CC2D2B: variants seen among roughly 807,000 people sequenced by gnomAD.
The protein encoded by CC2D2B is coiled-coil and C2 domain containing 2B.
In CC2D2B, 128 loss-of-function variants were observed where a neutral mutation model predicts 161.2. The observed-to-expected ratio is 0.79, with a 90% CI of 0.69 to 0.92. The LOEUF is 0.92. Ranked by LOEUF, CC2D2B falls within the 40% of genes least tolerant of loss-of-function variation. The pLI is 0.00. For missense variants in CC2D2B, 1,173 were observed against 1,375.1 expected, an observed-to-expected ratio of 0.85 and a Z score of 2.32; for synonymous variants, 391 against 449.8, an observed-to-expected ratio of 0.87 and a Z score of 1.65.
intron 2 of CC2D2B, among the ~76,000 whole-genome samples, 166 bp downstream of exon 2, chr10:95,911,525 T>A (rs1199071482): frequency 6.6e-6 from 1 of 152,164 alleles, no homozygotes; most frequent in Non-Finnish European, 1.5e-5. Flanking sequence ...TGTATTCTTA[T>A]TTGGTCTGTA....
intron 3 of CC2D2B, 75 bp downstream of exon 3, chr10:95,922,151 C>T: frequency 2.5e-6 from 2 of 792,052 alleles, no homozygotes; most frequent in Non-Finnish European, 2.0e-6. Flanking sequence ...AATCCTGTGC[C>T]AGGGTTTCAG....
chr10:96,001,280 T>C (rs768471541), intron 24 of CC2D2B, among the ~76,000 whole-genome samples: 40 of 152,210 alleles, frequency 2.6e-4, no homozygotes, highest in Non-Finnish European at 5.1e-4. Context: ...ATGTTTCTTT[T>C]TATTTTGAAA....
Position 95,992,587 on chromosome 10 carries a change from G to A in CC2D2B, c.2532G>A (p.Arg844=). 2 of 1,234,240 alleles carry A rather than the reference G, an allele frequency of 1.6e-6. No homozygotes were observed. The highest frequency in any genetic ancestry group is 2.0e-6 in the Non-Finnish European group (2 of 988,096). 76.5% of individuals were successfully genotyped at this position (1,234,240 alleles called of 1,614,324 possible). A position where few individuals can be genotyped will look rare whatever the true frequency, so the allele number is the denominator to read the frequency against. The change falls in exon 22 of 35, where the codon AGG becomes AGA. Residue 844 remains arginine (R), a synonymous_variant. Coordinates refer to ENST00000646931, the MANE Select transcript of CC2D2B (RefSeq NM_001349008.3). The part of the protein sequence containing the change: ...VEPRRKLKPQ[R]KERKKVTAQA... ...CACGGAGAAAGTTAAAACCTCAGAG[G>A]AAAGAAAGGAAAAAAGTCACAGCGC... is the stretch of plus-strand genomic sequence containing the variant.
chr10:95,944,492 T>C (rs2076128860), intron 9 of CC2D2B, among the ~76,000 whole-genome samples: 1 of 152,198 alleles, frequency 6.6e-6, no homozygotes, highest in Non-Finnish European at 1.5e-5. Flanking sequence ...GACTTTATAG[T>C]GACAATGCAT....
intron 34 of CC2D2B, among the ~76,000 whole-genome samples, chr10:96,028,859 GA>G (rs1232183933): frequency 2.0e-5 from 3 of 152,110 alleles, no homozygotes; most frequent in Non-Finnish European, 2.9e-5. Context: ...TATGTTAAGT[GA>G]AATTAGATAG....
intron 16 of CC2D2B, 78 bp from the exon 17 acceptor site, chr10:95,973,931 A>G (rs2141522348): frequency 1.3e-6 from 1 of 769,744 alleles, no homozygotes; most frequent in East Asian, 3.4e-5. Flanking sequence ...TCCACAAGTA[A>G]AACTCAGGAA....
chr10:96,027,317 G>A lies in CC2D2B; in HGVS notation c.4053G>A (p.Leu1351=), dbSNP rs1276789502. ...TFILRQILPK[L]EFGIGSFVSS... is the part of the protein sequence containing the mutation. ...TTTTGCGACAAATCCTTCCTAAGCT[G>A]GAATTTGGCATAGGAAGCTTTGTTT... The change falls in exon 34 of 35, where the codon CTG becomes CTA. Residue 1351 remains leucine (L), a synonymous_variant. Transcript: ENST00000646931. 4 of 1,550,918 alleles carry A rather than the reference G, an allele frequency of 2.6e-6. No individual in the cohort carries two copies. Among genetic ancestry groups the A allele is most frequent in the Non-Finnish European group, 3.5e-6 (4 of 1,146,674 alleles).
At chr10:96,008,182 T>TC (rs2078838475) in intron 25 of CC2D2B, among the ~76,000 whole-genome samples, 1 of 151,234 alleles carries the variant, frequency 6.6e-6, no homozygotes, top group African/African-American at 2.4e-5. Flanking sequence ...TTTTTTTTTT[T>TC]TTGGTTTTGC....
rs1377529997 is a variant in CC2D2B at position 95,995,297 on chromosome 10, T to C, written c.2671T>C (p.Ser891Pro). Residue 891 changes from serine (S) to proline (P), a missense_variant, in exon 23 of 35, where the codon TCA becomes CCA. Ser to Pro is a moderately conservative substitution (Grantham distance 74, BLOSUM62 -1). Coordinates refer to ENST00000646931, the MANE Select transcript of CC2D2B (RefSeq NM_001349008.3). ...GSLDMPTCLKSSISCLRHRET... is the reference protein window; with the variant it reads ...GSLDMPTCLKPSISCLRHRET... ...CTTGGATATGCCTACTTGTTTGAAA[T>C]CATCTATATCTTGCCTCAGACATAG... 2 of 1,530,062 alleles carry C rather than the reference T, an allele frequency of 1.3e-6. No homozygotes were observed. The highest frequency in any genetic ancestry group is 1.2e-5 in the South Asian group (1 of 82,738). 94.8% of individuals were successfully genotyped at this position (1,530,062 alleles called of 1,614,324 possible). A position where few individuals can be genotyped will look rare whatever the true frequency, so the allele number is the denominator to read the frequency against.
At chr10:95,964,809 C>T (rs1188814922) in intron 12 of CC2D2B, among the ~76,000 whole-genome samples, 2 of 152,128 alleles carry the variant, frequency 1.3e-5, no homozygotes, top group African/African-American at 2.4e-5. Flanking sequence ...ATTCACATAC[C>T]ATATGGTTCA....
At position 95,981,394 on chromosome 10, in the gene CC2D2B, G is replaced by A. The variant is rs1187135840; in HGVS notation, c.1944-581G>A. 9.3e-5 allele frequency among the ~76,000 whole-genome samples: 7 copies of A among 75,470 alleles called. No homozygotes were observed. The South Asian group carries it at 1.4e-3, about 15-fold the overall frequency. The allele number at this position is 75,470 out of a possible 152,430, so 49.5% of individuals were successfully genotyped here. A position where few individuals can be genotyped will look rare whatever the true frequency, so the allele number is the denominator to read the frequency against. On this transcript the variant is annotated intron_variant, in intron 17 of 34. Transcript: ENST00000646931. ...GCAACTGGCTACAGAGTGAGACTCC[G>A]TCTCAAAAAAAAAAAAAAAAAAAAA...
chr10:95,988,200 G>A, intron 19 of CC2D2B, 50 bp from the exon 20 acceptor site: 1 of 703,268 alleles, frequency 1.4e-6, no homozygotes, highest in Non-Finnish European at 2.0e-6. Context: ...TGTGTCATAT[G>A]TGAACTCTTT....
At chr10:96,018,013 C>T (rs1412981703) in intron 30 of CC2D2B, among the ~76,000 whole-genome samples, 1 of 152,170 alleles carries the variant, frequency 6.6e-6, no homozygotes, top group African/African-American at 2.4e-5. Flanking sequence ...CCTCAGTTAC[C>T]TCCTCATGAG....
At chr10:95,959,745 A>G (rs997397704) in intron 11 of CC2D2B, among the ~76,000 whole-genome samples, 5 of 150,336 alleles carry the variant, frequency 3.3e-5, no homozygotes, top group Admixed American at 1.3e-4. Flanking sequence ...GTAACTTAAC[A>G]TACTAATACA....
chr10:95,966,079 C>A, intron 13 of CC2D2B, 81 bp downstream of exon 13: 1 of 736,954 alleles, frequency 1.4e-6, no homozygotes, highest in Non-Finnish European at 1.9e-6. Flanking sequence ...CTTGGTATTT[C>A]TAAAAGTTAT....
intron 6 of CC2D2B, among the ~76,000 whole-genome samples, chr10:95,931,533 C>T (rs2098550051): frequency 6.6e-6 from 1 of 152,152 alleles, no homozygotes; most frequent in African/African-American, 2.4e-5. Context: ...CTATAAATTT[C>T]CCTCTAAACA....
rs547511113 is a variant in CC2D2B at position 96,016,306 on chromosome 10, G to T, written c.3622G>T (p.Val1208Leu). 2.2e-5 allele frequency: 35 copies of T among 1,588,642 alleles called. No homozygotes were observed. In the South Asian group the frequency reaches 3.3e-4, roughly 15 times the overall value. The change falls in exon 30 of 35, where the codon GTG becomes TTG. Residue 1208 changes from valine (V) to leucine (L), a missense_variant. Coordinates refer to ENST00000646931, the MANE Select transcript of CC2D2B (RefSeq NM_001349008.3). ...GGCACTGGTCCTCTTGGGAACGTCA[G>T]TGTTAGAAGTAAGTGCTGGAGTTCA... ...KKALVLLGTS[V>L]LEGHVAYVVT...
chr10:95,978,142 T>C (rs895033614), intron 17 of CC2D2B, among the ~76,000 whole-genome samples: 6 of 152,242 alleles, frequency 3.9e-5, no homozygotes, highest in African/African-American at 1.4e-4. Flanking sequence ...AATTTTGCTT[T>C]ATCCTTAAAG....
Position 95,922,027 on chromosome 10 carries a change from G to T in CC2D2B, c.48G>T (p.Glu16Asp). The T allele has an allele frequency of 6.5e-7, 1 of 1,542,108 alleles. No individual in the cohort carries two copies. Among genetic ancestry groups the T allele is most frequent in the Non-Finnish European group, 8.8e-7 (1 of 1,140,696 alleles). ...REDIFKKMSE[E>D]MDNITAEEII... ...TGCTTTTTTTGCAGATGTCAGAAGA[G>T]ATGGATAATATTACAGCTGAAGAAA... is the stretch of plus-strand genomic sequence containing the variant. Residue 16 changes from glutamate to aspartate, a missense_variant, in exon 3 of 35, where the codon GAG becomes GAT. Physicochemically the swap from Glu to Asp is conservative, Grantham distance 45. Around this residue, in one of 3 missense-constraint regions of CC2D2B, gnomAD observed 298 missense variants for 261.2 expected, o/e 1.14. Coordinates refer to ENST00000646931, the MANE Select transcript of CC2D2B (RefSeq NM_001349008.3).
Sources: gnomAD v4.1 joint callset for allele counts (sites outside exome capture counted in the v4.1 genomes callset) on GRCh38, gnomAD v4.1.1 for gene constraint, gnomAD v4.1.1 regional missense constraint, MANE v1.5 for transcripts, NCBI Gene and HGNC (gene_info 2026-07-23, HGNC 2026-07-21) for gene names.